SMARCAD1: variants seen among roughly 807,000 people sequenced by gnomAD.
The protein encoded by SMARCAD1 is SNF2 related chromatin remodeling ATPase with DExD box 1, also known as SWI/SNF-related matrix-associated actin-dependent regulator of chromatin subfamily A containing DEAD/H box 1.
Under a neutral mutation model 127.1 loss-of-function variants are expected in SMARCAD1, and 25 were observed. That is an observed-to-expected ratio of 0.20 (90% CI 0.14 to 0.27). The LOEUF (loss-of-function observed/expected upper bound fraction) is 0.27. Among genes scored for constraint, SMARCAD1 ranks in the 10% least tolerant of loss-of-function variants. The probability of loss-of-function intolerance (pLI) is 1.00; values close to 1 mark genes in which losing one functional copy is unlikely to be tolerated. For synonymous variants in SMARCAD1, 400 were observed against 396.9 expected (o/e 1.01, Z -0.09); for missense variants, 807 against 1,206.0 (o/e 0.67, Z 4.90).
chr4:94,235,585 G>C (rs1746529902), intron 4 of SMARCAD1, among the ~76,000 whole-genome samples: 1 of 148,968 alleles, frequency 6.7e-6, no homozygotes, highest in Non-Finnish European at 1.5e-5. Flanking sequence ...AAACTTTAGT[G>C]ATATCTTGAG....
intron 10 of SMARCAD1, among the ~76,000 whole-genome samples, chr4:94,268,702 TGGGCAA>T (rs992004084): frequency 2.0e-5 from 3 of 152,186 alleles, no homozygotes; most frequent in African/African-American, 7.2e-5. Context: ...TACATGACCT[TGGGCAA>T]GTTACTTAAC....
intron 6 of SMARCAD1, among the ~76,000 whole-genome samples, chr4:94,245,673 C>T (rs1560535235): frequency 6.6e-6 from 1 of 152,174 alleles, no homozygotes; most frequent in Non-Finnish European, 1.5e-5. Context: ...TGTCCACAAG[C>T]AAACTTCAGC....
intron 5 of SMARCAD1, among the ~76,000 whole-genome samples, chr4:94,239,675 T>G (rs1260594278): frequency 6.6e-6 from 1 of 151,798 alleles, no homozygotes; most frequent in African/African-American, 2.4e-5. Flanking sequence ...CAGGCTCAAG[T>G]GATCCTCACG....
At position 94,224,107 on chromosome 4, in the gene SMARCAD1, A is replaced by C. The variant is rs74732339; in HGVS notation, c.191-2012A>C. Among the ~76,000 whole-genome samples, 859 of 152,268 alleles carry C rather than the reference A, an allele frequency of 5.6e-3. 3 individuals carry two copies. Among genetic ancestry groups the C allele is most frequent in the Non-Finnish European group, 9.7e-3 (657 of 68,012 alleles). ...CTGTTTTATTACTTTGTGTATGATG[A>C]TAATATGTAGGTTTCTTCATGTTTA... On this transcript the variant is annotated intron_variant, in intron 2 of 23. Coordinates refer to ENST00000354268, the MANE Select transcript of SMARCAD1 (RefSeq NM_020159.5).
At chr4:94,260,134 AGTTTAAC>A (rs1396737407) in intron 9 of SMARCAD1, among the ~76,000 whole-genome samples, 2 of 152,072 alleles carry the variant, frequency 1.3e-5, no homozygotes, top group African/African-American at 4.8e-5. Context: ...TCCCCAGTGT[AGTTTAAC>A]ATGTTCCACT....
At chr4:94,233,734 G>A (rs577724832) in intron 3 of SMARCAD1, among the ~76,000 whole-genome samples, 12 of 152,168 alleles carry the variant, frequency 7.9e-5, no homozygotes, top group African/African-American at 2.9e-4. Context: ...CCCAGCTCAG[G>A]GTTGAGATTT....
At chr4:94,226,065 C>G in intron 2 of SMARCAD1, 54 bp from the exon 3 acceptor site, 1 of 1,399,134 alleles carries the variant, frequency 7.1e-7, no homozygotes, top group Non-Finnish European at 1.0e-6. Flanking sequence ...TAACTAACAA[C>G]AGATTCGTTT....
chr4:94,216,435 A>G (rs1325770541), intron 2 of SMARCAD1, among the ~76,000 whole-genome samples: 1 of 152,164 alleles, frequency 6.6e-6, no homozygotes, highest in Non-Finnish European at 1.5e-5. Context: ...TTCCTCTAGT[A>G]TGTCTGTTAA....
intron 5 of SMARCAD1, among the ~76,000 whole-genome samples, chr4:94,240,463 G>A (rs751885495): frequency 1.3e-5 from 2 of 152,172 alleles, no homozygotes; most frequent in Non-Finnish European, 2.9e-5. Flanking sequence ...AAAAGTAAAT[G>A]AAACAATAGT....
At chr4:94,221,840 C>T (rs1236577266) in intron 2 of SMARCAD1, among the ~76,000 whole-genome samples, 7 of 152,004 alleles carry the variant, frequency 4.6e-5, no homozygotes, top group Non-Finnish European at 8.8e-5. Context: ...GAGATCTACC[C>T]GAGAGAAATC....
At chr4:94,217,910 T>A (rs554365759) in intron 2 of SMARCAD1, among the ~76,000 whole-genome samples, 1 of 152,330 alleles carries the variant, frequency 6.6e-6, no homozygotes, top group South Asian at 2.1e-4. Context: ...TCACATTTTC[T>A]TTCAGTTACA....
At chr4:94,225,182 A>G (rs936721234) in intron 2 of SMARCAD1, among the ~76,000 whole-genome samples, 1 of 152,226 alleles carries the variant, frequency 6.6e-6, no homozygotes, top group African/African-American at 2.4e-5. Context: ...TAGAACTGCC[A>G]TAACAAAATG....
At position 94,266,380 on chromosome 4, in the gene SMARCAD1, A is replaced by G. The variant is rs114599607; in HGVS notation, c.1481+1474A>G. 3.5e-3 allele frequency among the ~76,000 whole-genome samples: 527 copies of G among 152,296 alleles called. 4 individuals are homozygous for G. The highest frequency in any genetic ancestry group is 0.012 in the African/African-American group (507 of 41,590). On this transcript the variant is annotated intron_variant, in intron 10 of 23. Transcript: ENST00000354268. ...GATCAGGTAATAAACTATCCTTTCC[A>G]TTAGACTGAGGATTTTTTAAATGAA...
At chr4:94,215,699 C>G (rs3113861) in intron 2 of SMARCAD1, among the ~76,000 whole-genome samples, 2 of 152,256 alleles carry the variant, frequency 1.3e-5, no homozygotes, top group Admixed American at 6.5e-5. Context: ...ACAAATTTCA[C>G]TAGTTTGTAT....
At chr4:94,244,265 T>G (rs1460873799) in intron 6 of SMARCAD1, among the ~76,000 whole-genome samples, 1 of 152,206 alleles carries the variant, frequency 6.6e-6, no homozygotes, top group Non-Finnish European at 1.5e-5. Flanking sequence ...GTGCTAGTAG[T>G]GGTTGCTTTA....
intron 10 of SMARCAD1, among the ~76,000 whole-genome samples, chr4:94,268,338 G>A (rs1480012028): frequency 1.3e-5 from 2 of 152,104 alleles, no homozygotes; most frequent in East Asian, 3.8e-4. Context: ...CCCAATGTGT[G>A]TTGGTGATGA....
chr4:94,223,216 C>T (rs138537104), intron 2 of SMARCAD1, among the ~76,000 whole-genome samples: 37 of 151,848 alleles, frequency 2.4e-4, no homozygotes, highest in African/African-American at 6.0e-4. Flanking sequence ...TAAAGAGGGC[C>T]GGGCGTGGTA....
At chr4:94,246,686 C>T (rs1748475489) in intron 6 of SMARCAD1, among the ~76,000 whole-genome samples, 1 of 152,260 alleles carries the variant, frequency 6.6e-6, no homozygotes, top group South Asian at 2.1e-4. Context: ...ATTGAAAATA[C>T]CCACTACCTG....
chr4:94,234,218 T>G, intron 4 of SMARCAD1, 96 bp downstream of exon 4: 1 of 1,136,364 alleles, frequency 8.8e-7, no homozygotes. Context: ...TCTAAAGATA[T>G]CTTACGTTTG....
Sources: gnomAD v4.1 joint callset for allele counts (sites outside exome capture counted in the v4.1 genomes callset) on GRCh38, gnomAD v4.1.1 for gene constraint, MANE v1.5 for transcripts, NCBI Gene and HGNC (gene_info 2026-07-23, HGNC 2026-07-21) for gene names.